The following PIBF1 variants were observed in gnomAD, a reference collection of about 807,000 sequenced individuals.
PIBF1 encodes the protein progesterone-induced-blocking factor 1.
Under a neutral mutation model 112.5 loss-of-function variants are expected in PIBF1, and 90 were observed. The ratio of observed to expected loss-of-function variants is 0.80; its 90% confidence interval spans 0.67 to 0.95. PIBF1 has a LOEUF of 0.95. Ranked by LOEUF, PIBF1 falls within the 40% of genes least tolerant of loss-of-function variation. The pLI is 0.00. For missense variants in PIBF1, 915 were observed against 852.3 expected, an observed-to-expected ratio of 1.07 and a Z score of -0.92; for synonymous variants, 301 against 288.6, an observed-to-expected ratio of 1.04 and a Z score of -0.44.
At chr13:72,822,506 A>C (rs975741516) in intron 6 of PIBF1, among the ~76,000 whole-genome samples, 5 of 152,100 alleles carry the variant, frequency 3.3e-5, no homozygotes, top group Non-Finnish European at 7.4e-5. Context: ...ATCTCTTTTC[A>C]TTCTGAGCCT....
At position 72,958,704 on chromosome 13, in the gene PIBF1, G is replaced by A. The variant is rs531075091; in HGVS notation, c.1834-6570G>A. On this transcript the variant is annotated intron_variant, in intron 14 of 17. Coordinates refer to ENST00000326291, the MANE Select transcript of PIBF1 (RefSeq NM_006346.4). ...ACAGAGTTTCACCAATATTTTAATT[G>A]GTTGAAATGTATCAGTTAAATATTA... Among the ~76,000 whole-genome samples the A allele has an allele frequency of 2.0e-5, 3 of 152,250 alleles. No individual in the cohort carries two copies. In the East Asian group the frequency reaches 5.8e-4, roughly 29 times the overall value.
At chr13:72,797,134 G>A (rs1193309456) in intron 4 of PIBF1, among the ~76,000 whole-genome samples, 6 of 152,130 alleles carry the variant, frequency 3.9e-5, no homozygotes, top group Admixed American at 3.3e-4. Context: ...TGGAAGTAAT[G>A]ATGTGAAAGA....
At chr13:72,968,630 G>A (rs1282089776) in intron 15 of PIBF1, among the ~76,000 whole-genome samples, 1 of 152,054 alleles carries the variant, frequency 6.6e-6, no homozygotes, top group Non-Finnish European at 1.5e-5. Context: ...TACTGTTACT[G>A]AGGAACTAAA....
chr13:72,917,964 T>C (rs752657047), intron 13 of PIBF1, among the ~76,000 whole-genome samples: 2 of 152,180 alleles, frequency 1.3e-5, no homozygotes, highest in Non-Finnish European at 2.9e-5. Flanking sequence ...AGGTGGAGAA[T>C]GTACACTGGA....
At chr13:72,899,831 C>G (rs1327400265) in intron 11 of PIBF1, among the ~76,000 whole-genome samples, 1 of 152,058 alleles carries the variant, frequency 6.6e-6, no homozygotes, top group African/African-American at 2.4e-5. Flanking sequence ...GTTTGCTGAC[C>G]ATATGATCGT....
chr13:72,944,215 G>A (rs1049768043), intron 14 of PIBF1, among the ~76,000 whole-genome samples: 1 of 152,162 alleles, frequency 6.6e-6, no homozygotes, highest in African/African-American at 2.4e-5. Context: ...GGGAGGCTGA[G>A]GCGGGGTGAT....
At chr13:72,845,410 C>T (rs148371144) in intron 9 of PIBF1, among the ~76,000 whole-genome samples, 120 of 152,238 alleles carry the variant, frequency 7.9e-4, no homozygotes, top group African/African-American at 2.7e-3. Flanking sequence ...GGGTTGGTTC[C>T]ATGCCTTTGC....
chr13:72,817,959 T>C (rs745926759), intron 5 of PIBF1, among the ~76,000 whole-genome samples: 1 of 152,040 alleles, frequency 6.6e-6, no homozygotes, highest in African/African-American at 2.4e-5. Context: ...AATTGAAAAA[T>C]TGTAAATAAA....
chr13:72,832,283 A>G (rs1020830817), intron 8 of PIBF1, among the ~76,000 whole-genome samples: 2 of 151,872 alleles, frequency 1.3e-5, no homozygotes, highest in Non-Finnish European at 2.9e-5. Context: ...TAATATTGTT[A>G]TGTGTGAATT....
At chr13:72,839,255 G>A (rs1250154630) in intron 9 of PIBF1, among the ~76,000 whole-genome samples, 1 of 152,194 alleles carries the variant, frequency 6.6e-6, no homozygotes, top group African/African-American at 2.4e-5. Flanking sequence ...AAAGTATTTA[G>A]GAGACAGAGC....
intron 13 of PIBF1, among the ~76,000 whole-genome samples, chr13:72,924,680 A>G (rs1010317097): frequency 2.0e-5 from 3 of 152,038 alleles, no homozygotes; most frequent in Non-Finnish European, 4.4e-5. Context: ...GCACCATTGC[A>G]CTTCCTGGCC....
intron 11 of PIBF1, among the ~76,000 whole-genome samples, chr13:72,906,777 A>G (rs950558988): frequency 6.6e-6 from 1 of 152,098 alleles, no homozygotes; most frequent in African/African-American, 2.4e-5. Flanking sequence ...ATCTCTAATC[A>G]TTTCTCCTGT....
chr13:72,841,481 G>T (rs1177634659), intron 9 of PIBF1, among the ~76,000 whole-genome samples: 4 of 152,018 alleles, frequency 2.6e-5, no homozygotes, highest in African/African-American at 9.7e-5. Context: ...TTATAAAATG[G>T]GCTAATAGGC....
intron 13 of PIBF1, among the ~76,000 whole-genome samples, chr13:72,928,040 T>TAC (rs2041583896): frequency 6.6e-5 from 9 of 137,060 alleles, no homozygotes; most frequent in African/African-American, 1.8e-4. Flanking sequence ...TATATATATA[T>TAC]ATATACATAT....
chr13:72,958,963 C>A (rs920914822), intron 14 of PIBF1, among the ~76,000 whole-genome samples: 3 of 152,106 alleles, frequency 2.0e-5, no homozygotes, highest in Non-Finnish European at 4.4e-5. Context: ...CCACCAGAAT[C>A]ACTAGTAGGA....
intron 16 of PIBF1, among the ~76,000 whole-genome samples, chr13:72,989,047 A>T (rs2043391295): frequency 6.6e-6 from 1 of 152,170 alleles, no homozygotes; most frequent in Admixed American, 6.6e-5. Context: ...CAAAAAAAAG[A>T]AAAAGAAATT....
chr13:72,911,420 A>T (rs2040889355), intron 12 of PIBF1, among the ~76,000 whole-genome samples: 1 of 26,194 alleles, frequency 3.8e-5, no homozygotes, highest in Admixed American at 5.5e-4. Flanking sequence ...AATGGTGCTA[A>T]AAAAAAATTG....
intron 5 of PIBF1, among the ~76,000 whole-genome samples, chr13:72,813,701 T>C (rs1352667360): frequency 6.6e-6 from 1 of 152,224 alleles, no homozygotes; most frequent in Admixed American, 6.5e-5. Flanking sequence ...ACTTAAAGAC[T>C]TCTTAGGATG....
chr13:72,876,199 A>G (rs548589995), intron 10 of PIBF1, among the ~76,000 whole-genome samples: 6 of 133,928 alleles, frequency 4.5e-5, no homozygotes, highest in South Asian at 2.4e-4. Flanking sequence ...TGAAAAGACT[A>G]TCTTTCCACC....
Sources: allele counts gnomAD v4.1 joint callset (sites outside exome capture counted in the v4.1 genomes callset), GRCh38; gene constraint gnomAD v4.1.1; transcripts MANE v1.5; gene names NCBI Gene and HGNC (gene_info 2026-07-23, HGNC 2026-07-21).